The following STAB2 variants were observed in gnomAD, a reference collection of about 807,000 sequenced individuals.
STAB2 encodes the protein stabilin 2, also known as stabilin-2.
Under a neutral mutation model 338.1 loss-of-function variants are expected in STAB2, and 288 were observed. The observed-to-expected ratio is 0.85, with a 90% CI of 0.77 to 0.94. The LOEUF (loss-of-function observed/expected upper bound fraction) is 0.94. Ranked by LOEUF, STAB2 falls within the 40% of genes least tolerant of loss-of-function variation. The pLI, the probability that STAB2 is intolerant of heterozygous loss-of-function variation, is 0.00. For synonymous variants in STAB2, 1,202 were observed against 1,193.3 expected (o/e 1.01, Z -0.15); for missense variants, 3,141 against 3,210.1 (o/e 0.98, Z 0.52).
intron 5 of STAB2, among the ~76,000 whole-genome samples, chr12:103,630,888 T>C (rs920501315): frequency 6.6e-6 from 1 of 152,240 alleles, no homozygotes; most frequent in Admixed American, 6.5e-5. Flanking sequence ...AAATTTGTGT[T>C]GTTTTAAGCC....
At chr12:103,638,955 C>G (rs1012965992) in intron 8 of STAB2, among the ~76,000 whole-genome samples, 42 of 152,208 alleles carry the variant, frequency 2.8e-4, no homozygotes, top group African/African-American at 9.9e-4. Context: ...CACCTGGATG[C>G]TAGCTGATGG....
At chr12:103,607,835 C>T (rs1177627591) in intron 3 of STAB2, among the ~76,000 whole-genome samples, 7 of 152,010 alleles carry the variant, frequency 4.6e-5, no homozygotes, top group East Asian at 1.9e-4. Flanking sequence ...TGAATAGTGC[C>T]GCAATAAACA....
At chr12:103,694,981 A>C (rs1159527722) in intron 31 of STAB2, among the ~76,000 whole-genome samples, 1 of 151,978 alleles carries the variant, frequency 6.6e-6, no homozygotes, top group African/African-American at 2.4e-5. Flanking sequence ...GTGTCTGCAG[A>C]AATTCAGACT....
chr12:103,691,155 G>C (rs1475373497), intron 30 of STAB2, among the ~76,000 whole-genome samples: 1 of 152,214 alleles, frequency 6.6e-6, no homozygotes, highest in African/African-American at 2.4e-5. Context: ...AATTCTGTGA[G>C]GGAGTCTGGC....
At chr12:103,669,998 T>C (rs1198567933) in intron 21 of STAB2, among the ~76,000 whole-genome samples, 1 of 152,236 alleles carries the variant, frequency 6.6e-6, no homozygotes, top group East Asian at 1.9e-4. Context: ...TGCCTCCTGA[T>C]TGCTTTTTTG....
Position 103,676,017 on chromosome 12 carries a change from G to A in STAB2, c.2642G>A (p.Arg881His), listed in dbSNP as rs7973658. ...GGACTAACTCCAGGAGGCTGTAGCC[G>A]CAATGTGAGTACTGGTCTTCATTTC... The part of the protein sequence containing the change: ...CTGLTPGGCS[R>H]NAECIKTGTG... Residue 881 changes from arginine to histidine, a missense_variant, in exon 24 of 69, where the codon CGC (arginine) becomes CAC (histidine). Coordinates refer to ENST00000388887, the MANE Select transcript of STAB2 (RefSeq NM_017564.10). 0.027 allele frequency: 43,137 copies of A among 1,599,026 alleles called. 731 individuals are homozygous for A. The highest frequency in any genetic ancestry group is 0.058 in the Middle Eastern group (310 of 5,388).
Position 103,717,822 on chromosome 12 carries a change from T to G in STAB2, c.4664T>G (p.Leu1555Arg). The change falls in exon 44 of 69, where the codon CTC becomes CGC. Residue 1555 changes from leucine (L) to arginine (R), a missense_variant. Leu to Arg is a moderately radical substitution (Grantham distance 102). Coordinates refer to ENST00000388887, the MANE Select transcript of STAB2 (RefSeq NM_017564.10). ...ACTGGAGATGGAAAGGTCTGCACAC[T>G]CATCAATGTCTGCTTAACTGTGAGT... ...AYTGDGKVCT[L>R]INVCLTKNGG... is the part of the protein sequence containing the mutation. The G allele has an allele frequency of 6.2e-7, 1 of 1,614,094 alleles. No individual in the cohort carries two copies. Among genetic ancestry groups the G allele is most frequent in the African/African-American group, 1.3e-5 (1 of 75,018 alleles).
intron 34 of STAB2, among the ~76,000 whole-genome samples, chr12:103,701,557 A>C (rs1478037325): frequency 2.6e-5 from 4 of 152,258 alleles, no homozygotes; most frequent in Non-Finnish European, 5.9e-5. Flanking sequence ...TAATTCTCTG[A>C]ATATACCTCA....
Position 103,742,516 on chromosome 12 carries a change from A to G in STAB2, c.5993A>G (p.Glu1998Gly). The G allele has an allele frequency of 6.2e-7, 1 of 1,613,960 alleles. No homozygotes were observed. Among genetic ancestry groups the G allele is most frequent in the Non-Finnish European group, 8.5e-7 (1 of 1,179,996 alleles). Reference sequence around the variant, plus strand: ...ACCGGCTTCAATGGGACGGCGTGTGAGATGTGCTGGCCGGGGAGATTCGGG... The same window carrying G: ...ACCGGCTTCAATGGGACGGCGTGTGGGATGTGCTGGCCGGGGAGATTCGGG... The part of the protein sequence containing the change: ...CNTGFNGTAC[E>G]MCWPGRFGPD... The change falls in exon 56 of 69, where the codon GAG becomes GGG. Residue 1998 changes from glutamate (E) to glycine (G), a missense_variant. Glu to Gly is a moderately conservative substitution (Grantham distance 98). Transcript: ENST00000388887.
intron 48 of STAB2, among the ~76,000 whole-genome samples, chr12:103,729,392 T>C (rs1462453455): frequency 1.3e-5 from 2 of 152,188 alleles, no homozygotes; most frequent in East Asian, 3.8e-4. Context: ...GCCTTATCCT[T>C]AGGTCCTCTT....
chr12:103,757,782 T>C (rs11834389), intron 63 of STAB2: 40,197 of 227,502 alleles, frequency 0.18, 4,407 homozygotes, highest in East Asian at 0.36. Flanking sequence ...AAGCTAGGCC[T>C]GGGGTCAGAG....
At chr12:103,742,988 T>A (rs1882706045) in intron 56 of STAB2, among the ~76,000 whole-genome samples, 1 of 151,888 alleles carries the variant, frequency 6.6e-6, no homozygotes, top group African/African-American at 2.4e-5. Context: ...ACAAAGAGCT[T>A]AAGTGATTTG....
At chr12:103,748,212 C>T (rs1883235026) in intron 58 of STAB2, among the ~76,000 whole-genome samples, 1 of 152,142 alleles carries the variant, frequency 6.6e-6, no homozygotes, top group African/African-American at 2.4e-5. Flanking sequence ...ACAATGGCAA[C>T]AAAGACCTAG....
chr12:103,625,484 A>G (rs527254949), intron 5 of STAB2, among the ~76,000 whole-genome samples: 1 of 152,276 alleles, frequency 6.6e-6, no homozygotes, highest in African/African-American at 2.4e-5. Flanking sequence ...AACATTAGGT[A>G]TATCTCCTAA....
At chr12:103,726,642 A>G (rs149898453) in intron 46 of STAB2, among the ~76,000 whole-genome samples, 51 of 152,346 alleles carry the variant, frequency 3.3e-4, no homozygotes, top group Admixed American at 1.8e-3. Flanking sequence ...TCACACTGGT[A>G]GAGAAAAAGG....
intron 5 of STAB2, among the ~76,000 whole-genome samples, chr12:103,626,734 GC>G (rs1957386463): frequency 6.6e-6 from 1 of 152,174 alleles, no homozygotes; most frequent in Non-Finnish European, 1.5e-5. Context: ...CCGGGAGGTG[GC>G]CATTCTGCCT....
At position 103,703,331 on chromosome 12, in the gene STAB2, T is replaced by A. The variant is rs181323802; in HGVS notation, c.3843+55T>A. On this transcript the variant is annotated intron_variant, in intron 35 of 68. Coordinates refer to ENST00000388887, the MANE Select transcript of STAB2 (RefSeq NM_017564.10). ...GAACTAATGAATATTGGCTTTTTTT[T>A]ATATAATTTTGGGGGCATAAGGCTT... 13,685 of 1,585,284 alleles carry A rather than the reference T, an allele frequency of 8.6e-3. 76 individuals are homozygous for A. The highest frequency in any genetic ancestry group is 9.9e-3 in the Non-Finnish European group (11,670 of 1,173,272).
intron 3 of STAB2, among the ~76,000 whole-genome samples, chr12:103,611,318 A>G (rs1343025629): frequency 6.6e-6 from 1 of 152,116 alleles, no homozygotes; most frequent in Non-Finnish European, 1.5e-5. Context: ...ATTGTGTGGG[A>G]GTCTGAGTCT....
chr12:103,749,813 C>G (rs1191348099), intron 59 of STAB2, among the ~76,000 whole-genome samples: 2 of 126,490 alleles, frequency 1.6e-5, no homozygotes, highest in Non-Finnish European at 3.2e-5. Context: ...GCACTCCAGC[C>G]TGGGTGACAG....
Sources: allele counts gnomAD v4.1 joint callset (sites outside exome capture counted in the v4.1 genomes callset), GRCh38; gene constraint gnomAD v4.1.1; transcripts MANE v1.5; gene names NCBI Gene and HGNC (gene_info 2026-07-23, HGNC 2026-07-21).